Variants in IQSEC1 observed in about 807,000 individuals in gnomAD.
The protein encoded by IQSEC1 is IQ motif and Sec7 domain ArfGEF 1.
In IQSEC1, 31 loss-of-function variants were observed where a neutral mutation model predicts 91.0. That is an observed-to-expected ratio of 0.34 (90% CI 0.26 to 0.46). IQSEC1 has a LOEUF of 0.46. Among genes scored for constraint, IQSEC1 ranks in the 20% least tolerant of loss-of-function variants. IQSEC1 has a pLI of 1.00. For synonymous variants in IQSEC1, 699 were observed against 662.6 expected (o/e 1.05, Z -0.84); for missense variants, 1,388 against 1,575.6 (o/e 0.88, Z 2.02).
chr3:13,166,152 T>A (rs1011155404), intron 1 of IQSEC1, among the ~76,000 whole-genome samples: 3 of 152,240 alleles, frequency 2.0e-5, no homozygotes, highest in Admixed American at 2.0e-4. Flanking sequence ...CACAAGACCA[T>A]CAGCATTTGC....
rs1575822397 is a variant in IQSEC1, at chr3:12,899,507, G to T, written c.*1476C>A. On this transcript the variant is annotated 3_prime_UTR_variant, in exon 14 of 14. Transcript: ENST00000613206. Reference sequence around the variant, plus strand: ...CAGGTCTGGCCCTGGGGAGCGCATGGTGTCACCACAACACAGAAGCGACAA... The same window carrying T: ...CAGGTCTGGCCCTGGGGAGCGCATGTTGTCACCACAACACAGAAGCGACAA... The T allele has an allele frequency of 1.9e-6, 3 of 1,561,840 alleles. No individual in the cohort carries two copies. Among genetic ancestry groups the T allele is most frequent in the East Asian group, 2.4e-5 (1 of 42,212 alleles).
upstream of IQSEC1, among the ~76,000 whole-genome samples, chr3:13,075,361 G>T (rs979694548): frequency 1.3e-5 from 2 of 152,210 alleles, no homozygotes; most frequent in African/African-American, 4.8e-5. Context: ...CAGCAGCAGA[G>T]CCCAGACTAA....
intron 3 of IQSEC1, among the ~76,000 whole-genome samples, chr3:12,931,056 G>A (rs1312047928): frequency 2.6e-5 from 4 of 152,138 alleles, no homozygotes; most frequent in South Asian, 2.1e-4. Flanking sequence ...TTCTGGTAGC[G>A]TGAACCCAAG....
At chr3:12,918,996 C>T (rs1007350634) in intron 6 of IQSEC1, among the ~76,000 whole-genome samples, 9 of 152,188 alleles carry the variant, frequency 5.9e-5, no homozygotes, top group East Asian at 3.9e-4. Flanking sequence ...TTCCTGGAGG[C>T]GATGGCCAGC....
At position 13,214,874 on chromosome 3, in the gene IQSEC1, G is replaced by A. The variant is rs1694515090; in HGVS notation, c.273-50741C>T. On this transcript the variant is annotated intron_variant, in intron 1 of 15. Transcript: ENST00000648114. The surrounding 1 kb of genome is among the most constrained non-coding windows in gnomAD (Gnocchi z 4.5). ...TTTGCAGCTGAGCGCCAGGACCGAC[G>A]TCGGGCTCTGCTGAGCACTAGCCGA... Among the ~76,000 whole-genome samples the A allele has an allele frequency of 1.3e-5, 2 of 152,366 alleles. No homozygotes were observed. Among genetic ancestry groups the A allele is most frequent in the African/African-American group, 2.4e-5 (1 of 41,594 alleles).
chr3:13,194,718 G>A (rs1230583185), intron 1 of IQSEC1, among the ~76,000 whole-genome samples: 2 of 152,080 alleles, frequency 1.3e-5, no homozygotes, highest in Admixed American at 6.5e-5. Flanking sequence ...TTCCTCCTTT[G>A]AATCTGGCAG....
chr3:13,256,355 TA>T lies in IQSEC1; in HGVS notation c.272+26355del, dbSNP rs1166134596. Among the ~76,000 whole-genome samples, 4 of 152,198 alleles carry T rather than the reference TA, an allele frequency of 2.6e-5. No homozygotes were observed. In the South Asian group the frequency reaches 6.2e-4, roughly 24 times the overall value. ...CTTTGTGTTATTTATCTTTTAACCA[TA>T]AAAAAATCTATGACACATCAGATAT... On this transcript the variant is annotated intron_variant, in intron 1 of 15. Coordinates refer to the IQSEC1 transcript ENST00000648114.
At chr3:13,136,123 G>C (rs1706706229) in intron 2 of IQSEC1, among the ~76,000 whole-genome samples, 1 of 152,230 alleles carries the variant, frequency 6.6e-6, no homozygotes, top group Non-Finnish European at 1.5e-5. Context: ...GCAGGGGAGG[G>C]AGAAGACACA....
intron 1 of IQSEC1, among the ~76,000 whole-genome samples, chr3:13,016,910 G>C (rs4684896): frequency 0.21 from 31,192 of 152,004 alleles, 3,740 homozygotes; most frequent in African/African-American, 0.31. Context: ...CCTGGATCAC[G>C]GCAAACCTAC....
At chr3:12,946,589 G>A (rs886252356) in intron 1 of IQSEC1, among the ~76,000 whole-genome samples, 12 of 152,154 alleles carry the variant, frequency 7.9e-5, no homozygotes, top group Non-Finnish European at 1.3e-4. Context: ...AATGAGCATC[G>A]ACAAGGGGAT....
chr3:13,194,256 G>C (rs1037752160), intron 1 of IQSEC1, among the ~76,000 whole-genome samples: 2 of 152,178 alleles, frequency 1.3e-5, no homozygotes, highest in Non-Finnish European at 2.9e-5. Context: ...GAGTCAGTGG[G>C]GGGTGCCAGC....
chr3:13,134,280 C>T (rs1706671745), intron 2 of IQSEC1, among the ~76,000 whole-genome samples: 1 of 152,196 alleles, frequency 6.6e-6, no homozygotes, highest in Non-Finnish European at 1.5e-5. Context: ...TTCTCAGCCA[C>T]CTTTGACCTC....
At chr3:13,173,892 G>A (rs772941844) in intron 1 of IQSEC1, among the ~76,000 whole-genome samples, 2 of 152,228 alleles carry the variant, frequency 1.3e-5, no homozygotes, top group Non-Finnish European at 2.9e-5. Context: ...CTCGGAGTGA[G>A]CCTGGCCTCT....
chr3:12,900,797 A>C lies in IQSEC1; in HGVS notation c.*186T>G. On this transcript the variant is annotated 3_prime_UTR_variant, in exon 14 of 14. Transcript: ENST00000613206. ...GCCCAGGGTGCCAACAAGAAATGAAATCTGGGCCTTTGTTCCACACAACAC... is the reference window on the plus strand; with the variant it reads ...GCCCAGGGTGCCAACAAGAAATGAACTCTGGGCCTTTGTTCCACACAACAC... The C allele has an allele frequency of 6.9e-7, 1 of 1,452,902 alleles. No homozygotes were observed. Among genetic ancestry groups the C allele is most frequent in the East Asian group, 2.5e-5 (1 of 40,148 alleles). 90.0% of individuals were successfully genotyped at this position (1,452,902 alleles called of 1,614,324 possible).
chr3:12,998,953 G>A lies in IQSEC1; in HGVS notation c.24-57088C>T, dbSNP rs182530927. On this transcript the variant is annotated intron_variant, in intron 1 of 13. Transcript: ENST00000613206. ...AACATGAAGCTTTGCCCCCCTAGAC[G>A]TCTTCGTGCCCTGGGGGATGGAGTG... 1.1e-3 allele frequency among the ~76,000 whole-genome samples: 172 copies of A among 152,042 alleles called. 1 individual carries two copies. The highest frequency in any genetic ancestry group is 3.7e-3 in the African/African-American group (154 of 41,536).
intron 1 of IQSEC1, among the ~76,000 whole-genome samples, chr3:13,002,377 C>T (rs1702454063): frequency 6.6e-6 from 1 of 151,930 alleles, no homozygotes; most frequent in South Asian, 2.1e-4. Flanking sequence ...CTTCAAAAGA[C>T]ACCATCAAGA....
intron 2 of IQSEC1, among the ~76,000 whole-genome samples, chr3:13,086,132 A>C (rs1705730730): frequency 1.3e-5 from 2 of 152,330 alleles, no homozygotes; most frequent in South Asian, 4.1e-4. Context: ...TGCTGCCCTC[A>C]GACCTCAGCT....
chr3:12,930,446 C>T (rs545350760), intron 3 of IQSEC1, among the ~76,000 whole-genome samples: 1 of 152,336 alleles, frequency 6.6e-6, no homozygotes, highest in South Asian at 2.1e-4. Context: ...GCAGATTCTA[C>T]TCTCTGCTCC....
intron 1 of IQSEC1, among the ~76,000 whole-genome samples, chr3:13,252,011 T>C (rs1695201027): frequency 6.6e-6 from 1 of 152,152 alleles, no homozygotes; most frequent in Non-Finnish European, 1.5e-5. Context: ...CCACATACTG[T>C]TTTTCCCCGA....
Sources: gnomAD v4.1 joint callset for allele counts (sites outside exome capture counted in the v4.1 genomes callset) on GRCh38, gnomAD v4.1.1 for gene constraint, Gnocchi (gnomAD v3.1) non-coding constraint, MANE v1.5 for transcripts, NCBI Gene and HGNC (gene_info 2026-07-23, HGNC 2026-07-21) for gene names.